Variants in GPRC5B observed in about 807,000 individuals in gnomAD.
GPRC5B encodes G protein-coupled receptor class C group 5 member B.
GPRC5B carries 16 observed loss-of-function variants against 30.1 expected under a neutral mutation model. That is an observed-to-expected ratio of 0.53 (90% confidence interval 0.36 to 0.81). GPRC5B has a LOEUF of 0.81. GPRC5B is among the 30% of genes least tolerant of loss of function. The pLI is 0.01. For synonymous variants in GPRC5B, 241 were observed against 239.5 expected (o/e 1.01, Z -0.06); for missense variants, 428 against 544.7 (o/e 0.79, Z 2.13).
intron 1 of GPRC5B, among the ~76,000 whole-genome samples, chr16:19,881,486 A>G (rs2141154177): frequency 6.6e-6 from 1 of 152,116 alleles, no homozygotes; most frequent in East Asian, 1.9e-4. Flanking sequence ...ATTGCTTGTT[A>G]AAAAGTCAAT....
chr16:19,870,477 T>A (rs1193885875), intron 2 of GPRC5B, among the ~76,000 whole-genome samples: 1 of 152,224 alleles, frequency 6.6e-6, no homozygotes, highest in African/African-American at 2.4e-5. Context: ...CTATTTCTAG[T>A]TCACAGATGA....
chr16:19,881,571 C>T (rs1371935251), intron 1 of GPRC5B, among the ~76,000 whole-genome samples: 1 of 152,148 alleles, frequency 6.6e-6, no homozygotes, highest in Non-Finnish European at 1.5e-5. Context: ...CACTTGAGGA[C>T]AGGAGTTTGA....
At chr16:19,870,186 T>C (rs538422404) in intron 2 of GPRC5B, among the ~76,000 whole-genome samples, 10 of 152,330 alleles carry the variant, frequency 6.6e-5, no homozygotes, top group African/African-American at 2.4e-4. Context: ...GCATATGTCC[T>C]CAGAGGATTC....
intron 1 of GPRC5B, among the ~76,000 whole-genome samples, chr16:19,879,621 C>T (rs1009605612): frequency 1.3e-5 from 2 of 152,068 alleles, no homozygotes; most frequent in Non-Finnish European, 2.9e-5. Flanking sequence ...CAAGGCCATA[C>T]CTTGGTGTGA....
Position 19,872,149 on chromosome 16 carries a change from C to G in GPRC5B, c.697G>C (p.Gly233Arg). The change falls in exon 2 of 4, where the codon GGG (glycine) becomes CGG (arginine). Residue 233 changes from glycine (G) to arginine (R), a missense_variant. Gly to Arg is a moderately radical substitution (Grantham distance 125, BLOSUM62 -2). Around this residue, in one of 3 missense-constraint regions of GPRC5B, gnomAD observed 213 missense variants for 229.1 expected, o/e 0.93. Transcript: ENST00000300571. This position sits in a 1 kb window ranked among gnomAD's most constrained non-coding sequence, Gnocchi z 5.0. Reference protein sequence around the residue: ...CGKFKRWKLNGAFLLITAFLS... With the variant: ...CGKFKRWKLNRAFLLITAFLS... Reference sequence around the variant, plus strand: ...AAGGCTGTGATGAGGAGGAAGGCCCCGTTCAGCTTCCACCTCTTGAACTTG... The same window carrying G: ...AAGGCTGTGATGAGGAGGAAGGCCCGGTTCAGCTTCCACCTCTTGAACTTG... 1 of 1,614,012 alleles carries G rather than the reference C, an allele frequency of 6.2e-7. No homozygotes were observed. The highest frequency in any genetic ancestry group is 1.1e-5 in the South Asian group (1 of 91,070).
intron 2 of GPRC5B, among the ~76,000 whole-genome samples, chr16:19,863,316 C>T (rs749027366): frequency 2.0e-5 from 3 of 151,944 alleles, no homozygotes; most frequent in East Asian, 1.9e-4. Flanking sequence ...TGCCACCATG[C>T]GTGGCTAATT....
chr16:19,869,297 C>A (rs1435019900), intron 2 of GPRC5B, among the ~76,000 whole-genome samples: 1 of 147,494 alleles, frequency 6.8e-6, no homozygotes, highest in Non-Finnish European at 1.5e-5. Context: ...CCACTGCACT[C>A]CAGTCCAGCC....
chr16:19,865,938 GT>G (rs1018271971), intron 2 of GPRC5B, among the ~76,000 whole-genome samples: 16 of 151,282 alleles, frequency 1.1e-4, no homozygotes, highest in South Asian at 2.1e-4. Flanking sequence ...GTTTTTTGTT[GT>G]TTTTTTTTGA....
At chr16:19,860,623 C>A in intron 3 of GPRC5B, 79 bp from the exon 4 acceptor site, 1 of 893,794 alleles carries the variant, frequency 1.1e-6, no homozygotes, top group Non-Finnish European at 1.8e-6. Flanking sequence ...GCGTAAACAA[C>A]GCGGCAAAAA....
rs759776332 is a variant in GPRC5B at position 19,872,632 on chromosome 16, G to A, written c.214C>T (p.Leu72Phe). 4 of 1,613,862 alleles carry A rather than the reference G, an allele frequency of 2.5e-6. No homozygotes were observed. The highest frequency in any genetic ancestry group is 1.3e-5 in the African/African-American group (1 of 74,934). Residue 72 changes from leucine (L) to phenylalanine (F), a missense_variant, in exon 2 of 4, where the codon CTC becomes TTC. By Grantham distance (22) the Leu-to-Phe change is conservative. Transcript: ENST00000300571. This position sits in a 1 kb window ranked among gnomAD's most constrained non-coding sequence, Gnocchi z 5.0. ...CGCACCAGGAGGATGAGCATCAGGA[G>A]CAGTGTGATCAGGGCGCCCGCCCCG... ...VAGAGALITL[L>F]LMLILLVRLP...
intron 2 of GPRC5B, among the ~76,000 whole-genome samples, chr16:19,863,412 G>C (rs542881285): frequency 6.6e-6 from 1 of 151,136 alleles, no homozygotes; most frequent in East Asian, 1.9e-4. Context: ...TTTGCTTGGG[G>C]CACTTTGCTT....
At position 19,884,848 on chromosome 16, in the gene GPRC5B, C is replaced by T. The variant is rs1384929692; in HGVS notation, c.-123G>A. The T allele has an allele frequency of 7.1e-6, 7 of 983,138 alleles. No homozygotes were observed. The highest frequency in any genetic ancestry group is 8.4e-6 in the Non-Finnish European group (7 of 829,276). The allele number at this position is 983,138 out of a possible 1,614,324, so 60.9% of individuals were successfully genotyped here. On this transcript the variant is annotated 5_prime_UTR_variant, in exon 1 of 4. Coordinates refer to ENST00000300571, the MANE Select transcript of GPRC5B (RefSeq NM_016235.3). ...GCCTGCGGGTCCAGCTTCACTGCAG[C>T]GCCTGCCAGAGTCGCTGCCGCGCGA...
chr16:19,857,234 G>T lies in GPRC5B; in HGVS notation c.*3266C>A. The T allele has an allele frequency of 3.4e-6, 1 of 296,192 alleles. No individual in the cohort carries two copies. The highest frequency in any genetic ancestry group is 6.4e-6 in the Non-Finnish European group (1 of 155,816). 18.3% of individuals were successfully genotyped at this position (296,192 alleles called of 1,614,324 possible). A position where few individuals can be genotyped will look rare whatever the true frequency, so the allele number is the denominator to read the frequency against. ...AAAATGCCACAGACCGACCCTCAAG[G>T]CAGATCCGAAAGCCTAGTAGTTAGT... On this transcript the variant is annotated 3_prime_UTR_variant, in exon 4 of 4. Coordinates refer to ENST00000300571, the MANE Select transcript of GPRC5B (RefSeq NM_016235.3).
At chr16:19,862,911 C>T (rs13330623) in intron 2 of GPRC5B, among the ~76,000 whole-genome samples, 15,153 of 152,148 alleles carry the variant, frequency 0.1, 1,062 homozygotes, top group East Asian at 0.31. Context: ...GTGTCTCACA[C>T]ACAAAAAGTC....
At position 19,861,818 on chromosome 16, in the gene GPRC5B, A is replaced by G; in HGVS notation, c.1167+19T>C. ...AGACTCCTAGGCTTCCTACCCCCAC[A>G]TCACATCTTGATACTTACGGTCCCA... On this transcript the variant is annotated intron_variant, in intron 3 of 3. Transcript: ENST00000300571. The G allele has an allele frequency of 6.2e-7, 1 of 1,609,074 alleles. No individual in the cohort carries two copies. The highest frequency in any genetic ancestry group is 8.5e-7 in the Non-Finnish European group (1 of 1,176,694).
rs149157560 is a variant in GPRC5B at position 19,858,160 on chromosome 16, T to G, written c.*2340A>C. On this transcript the variant is annotated 3_prime_UTR_variant, in exon 4 of 4. Coordinates refer to ENST00000300571, the MANE Select transcript of GPRC5B (RefSeq NM_016235.3). The stretch of plus-strand genomic sequence containing the variant: ...CTGCTACAGTCTCTTGGCAAAGATG[T>G]CTCTTGATACTTTTCAGGTGTAGTC... The G allele has an allele frequency of 9.9e-4, 229 of 230,380 alleles. No individual in the cohort carries two copies. Among genetic ancestry groups the G allele is most frequent in the African/African-American group, 4.9e-3 (219 of 44,652 alleles). The allele number at this position is 230,380 out of a possible 1,614,324, so 14.3% of individuals were successfully genotyped here. A position where few individuals can be genotyped will look rare whatever the true frequency, so the allele number is the denominator to read the frequency against.
intron 2 of GPRC5B, among the ~76,000 whole-genome samples, chr16:19,866,089 GC>G (rs1323248276): frequency 2.0e-5 from 3 of 152,080 alleles, no homozygotes; most frequent in African/African-American, 7.2e-5. Flanking sequence ...ACCACGCCCG[GC>G]TAATTTTTTT....
chr16:19,868,289 G>A (rs1033542578), intron 2 of GPRC5B, among the ~76,000 whole-genome samples: 10 of 151,912 alleles, frequency 6.6e-5, no homozygotes, highest in African/African-American at 1.9e-4. Context: ...CAGGAGAATT[G>A]CTTGAACCTG....
chr16:19,872,410 G>A lies in GPRC5B; in HGVS notation c.436C>T (p.Arg146Cys), dbSNP rs753216789. 25 of 1,613,436 alleles carry A rather than the reference G, an allele frequency of 1.5e-5. No homozygotes were observed. Among genetic ancestry groups the A allele is most frequent in the Admixed American group, 1.0e-4 (6 of 59,962 alleles). The change falls in exon 2 of 4, where the codon CGC becomes TGC. Residue 146 changes from arginine (R) to cysteine (C), a missense_variant. Around this residue, in one of 3 missense-constraint regions of GPRC5B, gnomAD observed 196 missense variants for 272.6 expected, o/e 0.72. Coordinates refer to ENST00000300571, the MANE Select transcript of GPRC5B (RefSeq NM_016235.3). This position sits in a 1 kb window ranked among gnomAD's most constrained non-coding sequence, Gnocchi z 5.0. ...CFSCLLSQAWRVRRLVRHGTG... is the reference protein window; with the variant it reads ...CFSCLLSQAWCVRRLVRHGTG... The stretch of plus-strand genomic sequence containing the variant: ...CCATGCCGCACCAGCCTCCGCACGC[G>A]CCATGCCTGGCTCAGCAGGCAGGAG...
Sources: gnomAD v4.1 joint callset for allele counts (sites outside exome capture counted in the v4.1 genomes callset) on GRCh38, gnomAD v4.1.1 for gene constraint, gnomAD v4.1.1 regional missense constraint, Gnocchi (gnomAD v3.1) non-coding constraint, MANE v1.5 for transcripts, NCBI Gene and HGNC (gene_info 2026-07-23, HGNC 2026-07-21) for gene names.